The following DLGAP2 variants were observed in gnomAD, a reference collection of about 807,000 sequenced individuals.
DLGAP2 encodes disks large-associated protein 2.
A neutral mutation model predicts 100.3 loss-of-function variants in DLGAP2; 26 were observed. That is an observed-to-expected ratio of 0.26 (90% CI 0.19 to 0.36). DLGAP2 has a LOEUF of 0.36. Among genes scored for constraint, DLGAP2 ranks in the 10% least tolerant of loss-of-function variants. DLGAP2 has a pLI of 1.00. For synonymous variants in DLGAP2, 886 were observed against 630.1 expected (o/e 1.41, Z -6.08); for missense variants, 1,858 against 1,453.2 (o/e 1.28, Z -4.53).
At position 1,645,299 on chromosome 8, in the gene DLGAP2, C is replaced by T. The variant is rs547981661; in HGVS notation, c.1810+12253C>T. 5.3e-5 allele frequency among the ~76,000 whole-genome samples: 8 copies of T among 152,306 alleles called. No homozygotes were observed. In the South Asian group the frequency reaches 1.5e-3, roughly 28 times the overall value. Reference sequence around the variant, plus strand: ...ACACAACCATTCTGTTTTTCACCTTCAGTACAGTGTTCCATGAATTCGAGG... The same window carrying T: ...ACACAACCATTCTGTTTTTCACCTTTAGTACAGTGTTCCATGAATTCGAGG... On this transcript the variant is annotated intron_variant, in intron 8 of 14. Coordinates refer to ENST00000637795, the MANE Select transcript of DLGAP2 (RefSeq NM_001346810.2).
chr8:1,501,418 AGAG>A lies in DLGAP2; in HGVS notation c.165_167del (p.Glu55del), dbSNP rs1563186314. ...CGGGCATCAGCTTTCCGGGGCCGGC[AGAG>A]GAGGATCTAGGTAGAGTACAGACGT... On this transcript the variant is annotated inframe_deletion, in exon 4 of 15. Coordinates refer to ENST00000637795, the MANE Select transcript of DLGAP2 (RefSeq NM_001346810.2). 1.3e-6 allele frequency: 2 copies of A among 1,535,744 alleles called. No individual in the cohort carries two copies. Among genetic ancestry groups the A allele is most frequent in the East Asian group, 2.4e-5 (1 of 40,896 alleles).
chr8:1,178,165 C>A (rs73534806), intron 2 of DLGAP2, among the ~76,000 whole-genome samples: 63 of 152,294 alleles, frequency 4.1e-4, no homozygotes, highest in African/African-American at 1.5e-3. Context: ...TGCCTGAAGG[C>A]AGGGAAATGT....
At chr8:1,325,117 A>C (rs958469663) in intron 3 of DLGAP2, among the ~76,000 whole-genome samples, 1 of 152,116 alleles carries the variant, frequency 6.6e-6, no homozygotes, top group African/African-American at 2.4e-5. Context: ...CTTGTCTTCC[A>C]GTCTTAGTTT....
intron 2 of DLGAP2, among the ~76,000 whole-genome samples, chr8:913,331 A>C (rs371809891): frequency 1.1e-3 from 172 of 152,302 alleles, no homozygotes; most frequent in African/African-American, 4.0e-3. Flanking sequence ...TTGGGAGCTA[A>C]AGGTTTTAAA....
intron 8 of DLGAP2, 32 bp from the exon 9 acceptor site, chr8:1,668,297 G>T: frequency 6.9e-7 from 1 of 1,452,342 alleles, no homozygotes. Context: ...GGAAGAACAC[G>T]CCTGTTGACT....
chr8:905,841 T>G (rs1798368354), intron 1 of DLGAP2, among the ~76,000 whole-genome samples: 1 of 117,472 alleles, frequency 8.5e-6, no homozygotes, highest in South Asian at 3.0e-4. Flanking sequence ...TGACCTCACA[T>G]GCATGTCTTG....
At position 1,707,540 on chromosome 8, in the gene DLGAP2, C is replaced by T. The variant is rs985101294; in HGVS notation, c.*6134C>T. 2.6e-5 allele frequency: 4 copies of T among 152,180 alleles called. No homozygotes were observed. Among genetic ancestry groups the T allele is most frequent in the Non-Finnish European group, 5.9e-5 (4 of 68,040 alleles). The allele number at this position is 152,180 out of a possible 1,614,324, so 9.4% of individuals were successfully genotyped here. On this transcript the variant is annotated 3_prime_UTR_variant, in exon 15 of 15. Transcript: ENST00000637795. ...TCGTTTGCTGAACTCGACAAGGCTT[C>T]CCCTTACGAGCAGTGAGACCTAGGC...
intron 3 of DLGAP2, among the ~76,000 whole-genome samples, chr8:1,355,172 G>A (rs888427430): frequency 3.3e-5 from 5 of 152,262 alleles, no homozygotes; most frequent in Non-Finnish European, 4.4e-5. Flanking sequence ...CCGTGAAAGC[G>A]GTGACACTGC....
intron 2 of DLGAP2, among the ~76,000 whole-genome samples, chr8:973,257 C>T (rs1005767746): frequency 9.5e-5 from 14 of 147,624 alleles, no homozygotes; most frequent in Non-Finnish European, 1.7e-4. Context: ...GGCTGTCCCC[C>T]CACCTCCCTC....
At chr8:1,099,018 C>T (rs1228099822) in intron 2 of DLGAP2, among the ~76,000 whole-genome samples, 2 of 152,174 alleles carry the variant, frequency 1.3e-5, no homozygotes, top group Non-Finnish European at 2.9e-5. Flanking sequence ...CATTTCATGG[C>T]TCACTCCTCT....
chr8:934,729 C>G (rs1257278682), intron 2 of DLGAP2, among the ~76,000 whole-genome samples: 1 of 152,108 alleles, frequency 6.6e-6, no homozygotes, highest in African/African-American at 2.4e-5. Flanking sequence ...TGGACCCCAG[C>G]CCTGTGCCGG....
At chr8:1,130,732 A>G (rs915639277) in intron 2 of DLGAP2, among the ~76,000 whole-genome samples, 2 of 152,230 alleles carry the variant, frequency 1.3e-5, no homozygotes, top group African/African-American at 2.4e-5. Context: ...GACAGACCGC[A>G]CCAGAGGCCT....
intron 2 of DLGAP2, among the ~76,000 whole-genome samples, chr8:1,206,442 G>T (rs13251165): frequency 1.4e-5 from 2 of 144,838 alleles, no homozygotes; most frequent in Non-Finnish European, 3.0e-5. Flanking sequence ...CCAGCCATCC[G>T]TGGACTGGGG....
chr8:1,233,629 T>A (rs1232080734), intron 2 of DLGAP2, among the ~76,000 whole-genome samples: 1 of 150,414 alleles, frequency 6.6e-6, no homozygotes, highest in Non-Finnish European at 1.5e-5. Context: ...CTGGGTCCAA[T>A]GGGCAAGACT....
intron 3 of DLGAP2, among the ~76,000 whole-genome samples, chr8:1,290,711 A>G (rs1158415541): frequency 1.3e-5 from 2 of 152,208 alleles, no homozygotes; most frequent in Non-Finnish European, 2.9e-5. Context: ...TAGACTATGT[A>G]TACATTTTAC....
intron 2 of DLGAP2, among the ~76,000 whole-genome samples, chr8:1,069,812 C>T: frequency 6.6e-6 from 1 of 152,154 alleles, no homozygotes. Flanking sequence ...CAATGCGTGT[C>T]TTGTGGAGGA....
At position 1,316,319 on chromosome 8, in the gene DLGAP2, G is replaced by A. The variant is rs528887976; in HGVS notation, c.106+57436G>A. Among the ~76,000 whole-genome samples, 9 of 135,968 alleles carry A rather than the reference G, an allele frequency of 6.6e-5. 1 individual carries two copies. The highest frequency in any genetic ancestry group is 4.5e-4 in the Admixed American group (6 of 13,270). The allele number at this position is 135,968 out of a possible 152,430, so 89.2% of individuals were successfully genotyped here. A position where few individuals can be genotyped will look rare whatever the true frequency, so the allele number is the denominator to read the frequency against. ...CAGTGGTCTACACTCGAGAAACTTG[G>A]CAGCGTTTAAAAATAGAGCCTGTGC... On this transcript the variant is annotated intron_variant, in intron 3 of 14. Transcript: ENST00000637795.
At chr8:1,163,919 G>A (rs569584481) in intron 2 of DLGAP2, among the ~76,000 whole-genome samples, 1 of 152,240 alleles carries the variant, frequency 6.6e-6, no homozygotes, top group Non-Finnish European at 1.5e-5. Context: ...GGCGTCCGCG[G>A]GCCCTGGCTT....
At chr8:1,411,591 G>A (rs939773252) in intron 3 of DLGAP2, among the ~76,000 whole-genome samples, 4 of 152,206 alleles carry the variant, frequency 2.6e-5, no homozygotes, top group African/African-American at 7.2e-5. Context: ...GGAACCTGCA[G>A]GTGGTAGACT....
Sources: allele counts gnomAD v4.1 joint callset (sites outside exome capture counted in the v4.1 genomes callset), GRCh38; gene constraint gnomAD v4.1.1; transcripts MANE v1.5; gene names NCBI Gene and HGNC (gene_info 2026-07-23, HGNC 2026-07-21).